The following SYNE2 variants were observed in gnomAD, a reference collection of about 807,000 sequenced individuals.
The protein encoded by SYNE2 is spectrin repeat containing nuclear envelope protein 2.
In SYNE2, 431 loss-of-function variants were observed where a neutral mutation model predicts 856.3. The ratio of observed to expected loss-of-function variants is 0.50; its 90% CI spans 0.47 to 0.55. The LOEUF (loss-of-function observed/expected upper bound fraction) is 0.55, where lower values mean the gene tolerates loss of function less well. SYNE2 is among the 20% of genes least tolerant of loss of function. SYNE2 has a pLI of 0.00. For missense variants in SYNE2, 8,129 were observed against 8,023.2 expected (o/e 1.01, Z -0.50); for synonymous variants, 2,923 against 2,872.3 (o/e 1.02, Z -0.56).
chr14:64,132,638 T>G (rs1018809983), intron 77 of SYNE2, among the ~76,000 whole-genome samples, 200 bp downstream of exon 77: 3 of 152,168 alleles, frequency 2.0e-5, no homozygotes, highest in Non-Finnish European at 2.9e-5. Flanking sequence ...ATACATAGAT[T>G]GGGGATGGTA....
intron 1 of SYNE2, 64 bp from the exon 2 acceptor site, chr14:63,909,034 A>G (rs2095441239): frequency 2.4e-6 from 2 of 818,552 alleles, no homozygotes; most frequent in East Asian, 2.5e-5. Flanking sequence ...TTTTCTGGCA[A>G]TGCATGTTTA....
intron 1 of SYNE2, among the ~76,000 whole-genome samples, chr14:63,771,346 A>G (rs907616474): frequency 1.3e-5 from 2 of 152,002 alleles, no homozygotes; most frequent in Non-Finnish European, 2.9e-5. Context: ...CTGGGATTAC[A>G]AGCGTGAGCC....
intron 105 of SYNE2, 160 bp from the exon 106 acceptor site, chr14:64,214,034 A>C: frequency 1.1e-5 from 12 of 1,068,748 alleles, no homozygotes; most frequent in Non-Finnish European, 1.6e-5. Context: ...AACTGGAATA[A>C]CCAGAAACAG....
intron 76 of SYNE2, among the ~76,000 whole-genome samples, chr14:64,132,032 C>T (rs2153681466): frequency 6.6e-6 from 1 of 152,128 alleles, no homozygotes; most frequent in Non-Finnish European, 1.5e-5. Context: ...CTCCCGGGTT[C>T]AAATGATTCT....
At chr14:63,802,580 G>C (rs370840041) in intron 1 of SYNE2, among the ~76,000 whole-genome samples, 1 of 152,172 alleles carries the variant, frequency 6.6e-6, no homozygotes, top group African/African-American at 2.4e-5. Context: ...ATTTGGAAGG[G>C]GCCAGGAGTG....
At position 63,996,804 on chromosome 14, in the gene SYNE2, T is replaced by C. The variant is rs1476061679; in HGVS notation, c.2941-143T>C. On this transcript the variant is annotated intron_variant, in intron 23 of 115. Coordinates refer to ENST00000555002, the MANE Select transcript of SYNE2 (RefSeq NM_182914.3). ...GAGCTGACTCTCTCATCTTTTTTTC[T>C]CTAGCGCCTATTGTCATAGCATGTA... 12 of 788,602 alleles carry C rather than the reference T, an allele frequency of 1.5e-5. No individual in the cohort carries two copies. The East Asian group carries it at 2.9e-4, about 19-fold the overall frequency. 48.9% of individuals were successfully genotyped at this position (788,602 alleles called of 1,614,324 possible). A position where few individuals can be genotyped will look rare whatever the true frequency, so the allele number is the denominator to read the frequency against.
chr14:64,002,944 C>T lies in SYNE2; in HGVS notation c.4011C>T (p.Leu1337=), dbSNP rs1418591195. The change falls in exon 30 of 116, where the codon CTC becomes CTT. Residue 1337 remains leucine (L), a synonymous_variant. Transcript: ENST00000555002. ...DFLASLRTAK[L]SAEPVTDLSA... ...TGGCGTCTCTCAGAACAGCTAAACT[C>T]TCTGCTGAGCCCGTTACAGACCTTT... 1 of 1,614,184 alleles carries T rather than the reference C, an allele frequency of 6.2e-7. No homozygotes were observed. The highest frequency in any genetic ancestry group is 1.7e-5 in the Admixed American group (1 of 60,020).
chr14:63,793,896 G>GA (rs1368354638), intron 1 of SYNE2, among the ~76,000 whole-genome samples: 1 of 151,626 alleles, frequency 6.6e-6, no homozygotes, highest in Non-Finnish European at 1.5e-5. Context: ...CCATGATCAT[G>GA]CCACTGCACT....
intron 100 of SYNE2, 52 bp downstream of exon 100, chr14:64,203,015 A>G (rs764072439): frequency 2.5e-6 from 4 of 1,604,436 alleles, no homozygotes; most frequent in Non-Finnish European, 3.4e-6. Flanking sequence ...CGCGATATGC[A>G]CTGACTGAGG....
intron 2 of SYNE2, among the ~76,000 whole-genome samples, chr14:63,923,696 A>T (rs1233333041): frequency 6.6e-6 from 1 of 152,208 alleles, no homozygotes; most frequent in African/African-American, 2.4e-5. Flanking sequence ...TTAAGATATA[A>T]TTTGACATCA....
At chr14:64,146,701 A>C (rs1326518752) in intron 84 of SYNE2, among the ~76,000 whole-genome samples, 1 of 152,216 alleles carries the variant, frequency 6.6e-6, no homozygotes, top group Admixed American at 6.5e-5. Flanking sequence ...TTTGGGCTTG[A>C]GGGTGTTGTC....
chr14:64,149,317 GAAAAA>G, intron 84 of SYNE2, among the ~76,000 whole-genome samples: 1 of 151,750 alleles, frequency 6.6e-6, no homozygotes. Flanking sequence ...AAAACAGAAA[GAAAAA>G]AAGAAAAGAA....
chr14:64,207,865 T>A, intron 100 of SYNE2: 1 of 378,808 alleles, frequency 2.6e-6, no homozygotes, highest in Non-Finnish European at 5.2e-6. Context: ...AATGCTGTGG[T>A]CTCATGTCAC....
chr14:64,116,371 G>A (rs1276818402), intron 66 of SYNE2, among the ~76,000 whole-genome samples: 1 of 152,018 alleles, frequency 6.6e-6, no homozygotes, highest in Non-Finnish European at 1.5e-5. Context: ...CAATGTTTTG[G>A]GAGGTCAGTT....
chr14:63,824,295 G>A (rs1472619259), intron 1 of SYNE2, among the ~76,000 whole-genome samples: 2 of 151,784 alleles, frequency 1.3e-5, no homozygotes, highest in African/African-American at 2.4e-5. Flanking sequence ...ACAGTGAGCT[G>A]TGACTGTGCC....
rs1437350896 is a variant in SYNE2 at position 64,064,876 on chromosome 14, G to A, written c.10213-556G>A. 6.2e-5 allele frequency among the ~76,000 whole-genome samples: 9 copies of A among 145,976 alleles called. No homozygotes were observed. In the East Asian group the frequency reaches 1.6e-3, roughly 26 times the overall value. On this transcript the variant is annotated intron_variant, in intron 50 of 115. Coordinates refer to ENST00000555002, the MANE Select transcript of SYNE2 (RefSeq NM_182914.3). ...GACTTTTTTTTTTTTTTTTTTATAC[G>A]GAGTCTCACTCTGTTGCCCAGGCTG...
In SYNE2 at chr14:63,934,003, T is replaced by C. The variant is rs539770225; in HGVS notation, c.80-6611T>C. On this transcript the variant is annotated intron_variant, in intron 2 of 115. Transcript: ENST00000555002. ...TGAGAAAAGTGTGTCAGGGGATAAA[T>C]GGAATGGCACATATGAAACCATTTA... Among the ~76,000 whole-genome samples the C allele has an allele frequency of 4.6e-5, 7 of 152,116 alleles. No homozygotes were observed. The South Asian group carries it at 1.2e-3, about 27-fold the overall frequency.
intron 50 of SYNE2, 129 bp from the exon 51 acceptor site, chr14:64,065,303 T>TA: frequency 1.2e-6 from 1 of 803,886 alleles, no homozygotes; most frequent in Non-Finnish European, 2.0e-6. Flanking sequence ...TCTAAAAGGA[T>TA]AAGAGGTGGA....
chr14:64,025,345 A>T lies in SYNE2; in HGVS notation c.6176A>T (p.Glu2059Val). The T allele has an allele frequency of 6.2e-7, 1 of 1,614,072 alleles. No homozygotes were observed. ...CATGATGTAATTCATTGGATAAAAG[A>T]GATTAAAGAGTCCCTTATGGTTTTG... is the stretch of plus-strand genomic sequence containing the variant. ...LAHDVIHWIK[E>V]IKESLMVLNS... Residue 2059 changes from glutamate to valine, a missense_variant, in exon 41 of 116, where the codon GAG (glutamate) becomes GTG (valine). Glu to Val is a moderately radical substitution (Grantham distance 121). Coordinates refer to ENST00000555002, the MANE Select transcript of SYNE2 (RefSeq NM_182914.3).
Sources: allele counts gnomAD v4.1 joint callset (sites outside exome capture counted in the v4.1 genomes callset), GRCh38; gene constraint gnomAD v4.1.1; transcripts MANE v1.5; gene names NCBI Gene and HGNC (gene_info 2026-07-23, HGNC 2026-07-21).